PABPC4L: variants seen among roughly 807,000 people sequenced by gnomAD.
The protein encoded by PABPC4L is poly(A) binding protein cytoplasmic 4 like, also known as polyadenylate-binding protein 4-like.
For synonymous variants in PABPC4L, 169 were observed against 164.1 expected, an observed-to-expected ratio of 1.03 and a Z score of -0.23; for missense variants, 452 against 451.4, an observed-to-expected ratio of 1.00 and a Z score of -0.01.
the PABPC4L span, among the ~76,000 whole-genome samples, chr4:134,031,370 T>G: frequency 1.3e-5 from 2 of 152,022 alleles, no homozygotes; most frequent in Non-Finnish European, 2.9e-5. Flanking sequence ...GATCTGTTTC[T>G]TCCATGGGAA....
At chr4:134,046,628 T>A in the PABPC4L span, among the ~76,000 whole-genome samples, 1 of 152,152 alleles carries the variant, frequency 6.6e-6, no homozygotes, top group East Asian at 1.9e-4. Context: ...TCTCAGGCTG[T>A]CTCAGTCGGG....
At chr4:134,012,125 CA>C in the PABPC4L span, among the ~76,000 whole-genome samples, 2 of 152,178 alleles carry the variant, frequency 1.3e-5, no homozygotes, top group South Asian at 4.1e-4. Context: ...TCTGTTGCCC[CA>C]AACAAGTTTA....
At chr4:133,961,316 A>G in the PABPC4L span, among the ~76,000 whole-genome samples, 1 of 152,184 alleles carries the variant, frequency 6.6e-6, no homozygotes, top group South Asian at 2.1e-4. Flanking sequence ...AGAGATAACA[A>G]TCCCTACAGC....
chr4:134,062,131 C>G, the PABPC4L span, among the ~76,000 whole-genome samples: 6 of 151,622 alleles, frequency 4.0e-5, no homozygotes, highest in Non-Finnish European at 8.8e-5. Flanking sequence ...GGAACTCTGC[C>G]TGTGTCAAAG....
chr4:134,165,146 A>G, the PABPC4L span, among the ~76,000 whole-genome samples: 1 of 152,174 alleles, frequency 6.6e-6, no homozygotes, highest in African/African-American at 2.4e-5. Flanking sequence ...AGATGGATTA[A>G]AGCTTTAAAT....
the PABPC4L span, among the ~76,000 whole-genome samples, chr4:133,953,615 T>A: frequency 6.6e-6 from 1 of 152,170 alleles, no homozygotes; most frequent in Non-Finnish European, 1.5e-5. Flanking sequence ...TTCAAGACAT[T>A]TCGTGTCCTA....
chr4:133,957,423 T>C, the PABPC4L span, among the ~76,000 whole-genome samples: 1 of 152,186 alleles, frequency 6.6e-6, no homozygotes, highest in Non-Finnish European at 1.5e-5. Context: ...TCTACCCCTG[T>C]GGCTTTTCAG....
chr4:134,152,048 A>T, the PABPC4L span, among the ~76,000 whole-genome samples: 2 of 151,656 alleles, frequency 1.3e-5, no homozygotes, highest in Non-Finnish European at 2.9e-5. Flanking sequence ...TTTCTAATGG[A>T]TTGTCATTCT....
the PABPC4L span, among the ~76,000 whole-genome samples, chr4:134,006,433 C>T: frequency 6.6e-6 from 1 of 151,832 alleles, no homozygotes. Context: ...TCCTTCTCCT[C>T]CTCTTAAGAA....
At chr4:134,069,558 G>T in the PABPC4L span, among the ~76,000 whole-genome samples, 1 of 151,824 alleles carries the variant, frequency 6.6e-6, no homozygotes, top group East Asian at 1.9e-4. Flanking sequence ...GAGTTATTTT[G>T]AAGAACTGGT....
the PABPC4L span, among the ~76,000 whole-genome samples, chr4:134,145,122 T>C: frequency 2.6e-5 from 4 of 151,960 alleles, no homozygotes; most frequent in East Asian, 5.8e-4. Flanking sequence ...GCAAAAGTAA[T>C]TGCAGTTTTT....
chr4:134,170,633 C>T, the PABPC4L span, among the ~76,000 whole-genome samples: 1 of 151,994 alleles, frequency 6.6e-6, no homozygotes, highest in Non-Finnish European at 1.5e-5. Flanking sequence ...GTGCTGCACA[C>T]ATTTAAACAA....
the PABPC4L span, among the ~76,000 whole-genome samples, chr4:134,138,146 G>C: frequency 6.6e-6 from 1 of 151,600 alleles, no homozygotes; most frequent in Non-Finnish European, 1.5e-5. Flanking sequence ...AAAAAAATCA[G>C]CTTTTAAAAT....
chr4:134,056,061 T>C, the PABPC4L span, among the ~76,000 whole-genome samples: 4 of 152,032 alleles, frequency 2.6e-5, no homozygotes, highest in African/African-American at 7.2e-5. Flanking sequence ...GCACCATTTG[T>C]TGAAAGGCTA....
the PABPC4L span, among the ~76,000 whole-genome samples, chr4:134,085,260 T>A: frequency 6.6e-6 from 1 of 152,116 alleles, no homozygotes; most frequent in Admixed American, 6.6e-5. Flanking sequence ...TTATAAATTT[T>A]ATAAACTTTA....
the PABPC4L span, among the ~76,000 whole-genome samples, chr4:134,101,597 G>T: frequency 2.0e-5 from 3 of 151,124 alleles, no homozygotes; most frequent in Non-Finnish European, 3.0e-5. Context: ...GCCATAAATT[G>T]TTTATTTCTA....
the PABPC4L span, among the ~76,000 whole-genome samples, chr4:134,052,413 T>G: frequency 6.6e-6 from 1 of 152,084 alleles, no homozygotes. Context: ...ACTCTCAAAA[T>G]TGATCTGGTT....
the PABPC4L span, among the ~76,000 whole-genome samples, chr4:134,002,125 ATT>A: frequency 6.8e-6 from 1 of 146,856 alleles, no homozygotes; most frequent in Non-Finnish European, 1.5e-5. Flanking sequence ...CATAATAATA[ATT>A]TTTAAAGTAA....
chr4:134,163,564 C>T, the PABPC4L span, among the ~76,000 whole-genome samples: 1 of 152,076 alleles, frequency 6.6e-6, no homozygotes. Context: ...AAACTACAGA[C>T]CAATATCCCT....
Sources: allele counts gnomAD v4.1 joint callset (sites outside exome capture counted in the v4.1 genomes callset), GRCh38; gene constraint gnomAD v4.1.1; transcripts MANE v1.5; gene names NCBI Gene and HGNC (gene_info 2026-07-23, HGNC 2026-07-21).